MIPOL1: variants seen among roughly 807,000 people sequenced by gnomAD.
MIPOL1 encodes mirror-image polydactyly 1, also known as mirror-image polydactyly gene 1 protein.
A neutral mutation model predicts 60.9 loss-of-function variants in MIPOL1; 57 were observed. The observed-to-expected ratio is 0.94, with a 90% confidence interval of 0.76 to 1.17. The LOEUF (loss-of-function observed/expected upper bound fraction) is 1.17, where lower values mean the gene tolerates loss of function less well. MIPOL1 is among the 50% of genes most tolerant of loss of function. The pLI is 0.00. For synonymous variants in MIPOL1, 179 were observed against 168.8 expected (o/e 1.06, Z -0.47); for missense variants, 551 against 511.6 (o/e 1.08, Z -0.74).
chr14:37,302,175 A>T (rs543020411), intron 7 of MIPOL1, among the ~76,000 whole-genome samples: 5 of 149,876 alleles, frequency 3.3e-5, no homozygotes, highest in Non-Finnish European at 7.4e-5. Flanking sequence ...GAAACTGCCA[A>T]ATTCTTTTCC....
chr14:37,333,995 T>C (rs938381862), intron 9 of MIPOL1, among the ~76,000 whole-genome samples: 3 of 148,946 alleles, frequency 2.0e-5, no homozygotes, highest in Non-Finnish European at 4.5e-5. Context: ...CATATATGTC[T>C]GTCTACAAGG....
intron 1 of MIPOL1, among the ~76,000 whole-genome samples, chr14:37,224,220 C>A (rs1969311974): frequency 1.3e-5 from 2 of 152,178 alleles, no homozygotes. Context: ...TGGCTCATGT[C>A]TGTAATCCCG....
chr14:37,493,487 C>A (rs914912670), intron 11 of MIPOL1, among the ~76,000 whole-genome samples: 1 of 152,080 alleles, frequency 6.6e-6, no homozygotes, highest in Non-Finnish European at 1.5e-5. Flanking sequence ...TATTACATGG[C>A]ACTCACTGGA....
At chr14:37,502,956 A>G (rs2095235620) in intron 12 of MIPOL1, 1 of 152,244 alleles carries the variant, frequency 6.6e-6, no homozygotes, top group Non-Finnish European at 1.5e-5. Flanking sequence ...AAACCATGGC[A>G]GGAGAACTTC....
At chr14:37,526,440 G>A (rs149767402) in intron 12 of MIPOL1, among the ~76,000 whole-genome samples, 2,946 of 150,256 alleles carry the variant, frequency 0.02, 39 homozygotes, top group Non-Finnish European at 0.031. Flanking sequence ...CGCAATCTCG[G>A]CTCACTGCAA....
At chr14:37,341,159 A>C (rs1473954347) in intron 9 of MIPOL1, among the ~76,000 whole-genome samples, 2 of 152,198 alleles carry the variant, frequency 1.3e-5, no homozygotes, top group Non-Finnish European at 2.9e-5. Flanking sequence ...TAAGCAATGT[A>C]TTCCTGTATC....
At chr14:37,320,085 A>G (rs10140266) in intron 9 of MIPOL1, among the ~76,000 whole-genome samples, 81,104 of 151,974 alleles carry the variant, frequency 0.53, 24,284 homozygotes, top group Non-Finnish European at 0.66. Context: ...GATTGTTTTC[A>G]TTTTTAACCT....
intron 1 of MIPOL1, among the ~76,000 whole-genome samples, chr14:37,221,161 A>G (rs1968683610): frequency 6.6e-6 from 1 of 152,000 alleles, no homozygotes; most frequent in Admixed American, 6.6e-5. Flanking sequence ...TTGTGTTGCT[A>G]TAAGAGAATC....
intron 9 of MIPOL1, among the ~76,000 whole-genome samples, chr14:37,358,692 C>G (rs573015634): frequency 6.6e-6 from 1 of 152,088 alleles, no homozygotes; most frequent in East Asian, 1.9e-4. Flanking sequence ...TTGCCTTTTT[C>G]TTGTAAATTT....
At chr14:37,445,443 A>C (rs1347616152) in intron 11 of MIPOL1, among the ~76,000 whole-genome samples, 1 of 151,770 alleles carries the variant, frequency 6.6e-6, no homozygotes, top group Non-Finnish European at 1.5e-5. Flanking sequence ...AAATGGAAGA[A>C]CATTCCATGC....
chr14:37,469,557 T>C (rs986852467), intron 11 of MIPOL1, among the ~76,000 whole-genome samples: 2 of 152,096 alleles, frequency 1.3e-5, no homozygotes, highest in Non-Finnish European at 2.9e-5. Context: ...GAAAGAATAA[T>C]GGCGGTCACT....
intron 10 of MIPOL1, among the ~76,000 whole-genome samples, chr14:37,390,049 T>C (rs1239856834): frequency 6.6e-6 from 1 of 151,600 alleles, no homozygotes; most frequent in African/African-American, 2.4e-5. Flanking sequence ...CAAAAATATA[T>C]ATATGTATAT....
At chr14:37,543,703 A>G (rs531705719) in intron 12 of MIPOL1, among the ~76,000 whole-genome samples, 7 of 152,222 alleles carry the variant, frequency 4.6e-5, no homozygotes, top group Non-Finnish European at 7.3e-5. Flanking sequence ...TTTTTTAAAT[A>G]AAAGGCTATG....
chr14:37,274,832 T>C (rs577197902), intron 6 of MIPOL1, among the ~76,000 whole-genome samples: 35 of 151,412 alleles, frequency 2.3e-4, no homozygotes, highest in African/African-American at 8.4e-4. Flanking sequence ...GATGATGATG[T>C]AACCATCTTG....
intron 1 of MIPOL1, among the ~76,000 whole-genome samples, chr14:37,232,983 A>G (rs1328625715): frequency 1.3e-5 from 2 of 152,152 alleles, no homozygotes; most frequent in Admixed American, 6.5e-5. Flanking sequence ...GCTGAGGTGT[A>G]TACTGTTTCA....
chr14:37,291,575 A>G (rs1005641044), intron 7 of MIPOL1, among the ~76,000 whole-genome samples: 6 of 152,062 alleles, frequency 3.9e-5, no homozygotes, highest in Non-Finnish European at 7.4e-5. Context: ...TAAAATGCCA[A>G]CCGTGGGTAG....
At chr14:37,424,838 A>G (rs566624636) in intron 11 of MIPOL1, among the ~76,000 whole-genome samples, 2 of 152,312 alleles carry the variant, frequency 1.3e-5, no homozygotes, top group South Asian at 4.1e-4. Flanking sequence ...ATGACTCTCA[A>G]CTGTAGCTGC....
At chr14:37,454,452 C>T (rs1047686361) in intron 11 of MIPOL1, among the ~76,000 whole-genome samples, 2 of 152,164 alleles carry the variant, frequency 1.3e-5, no homozygotes, top group African/African-American at 4.8e-5. Flanking sequence ...AGCTGATGCT[C>T]ATAACAGCTG....
intron 6 of MIPOL1, 95 bp downstream of exon 6, chr14:37,270,620 G>T: frequency 4.3e-6 from 2 of 461,094 alleles, no homozygotes; most frequent in Non-Finnish European, 7.0e-6. Context: ...TGGCTTATTT[G>T]CCAAAGGAGG....
Sources: gnomAD v4.1 joint callset for allele counts (sites outside exome capture counted in the v4.1 genomes callset) on GRCh38, gnomAD v4.1.1 for gene constraint, MANE v1.5 for transcripts, NCBI Gene and HGNC (gene_info 2026-07-23, HGNC 2026-07-21) for gene names.